Variants in IL1RAPL2 observed in about 807,000 individuals in gnomAD.
IL1RAPL2 encodes X-linked interleukin-1 receptor accessory protein-like 2.
Under a neutral mutation model 44.1 loss-of-function variants are expected in IL1RAPL2, and 3 were observed. The ratio of observed to expected loss-of-function variants is 0.07; its 90% confidence interval spans 0.03 to 0.18. The LOEUF (loss-of-function observed/expected upper bound fraction) is 0.18, where lower values mean the gene tolerates loss of function less well. Among genes scored for constraint, IL1RAPL2 ranks in the 10% least tolerant of loss-of-function variants. IL1RAPL2 has a pLI of 1.00. For missense variants in IL1RAPL2, 391 were observed against 496.4 expected (o/e 0.79, Z 2.02); for synonymous variants, 181 against 178.8 (o/e 1.01, Z -0.10).
intron 2 of IL1RAPL2, among the ~76,000 whole-genome samples, chrX:105,160,138 C>T (rs1476732314): frequency 9.1e-6 from 1 of 110,366 alleles, no homozygotes; most frequent in Non-Finnish European, 1.9e-5. Flanking sequence ...AGAAAGCCTT[C>T]ACCAACTTTT....
At chrX:105,562,536 CACACACACACACAT>C (rs1303108234) in intron 6 of IL1RAPL2, among the ~76,000 whole-genome samples, 14 of 107,246 alleles carry the variant, frequency 1.3e-4, no homozygotes, top group East Asian at 8.6e-4. Context: ...CACACACACA[CACACACACACACAT>C]ACACACACCA....
chrX:104,779,351 C>T (rs987155301), intron 2 of IL1RAPL2, among the ~76,000 whole-genome samples: 1 of 111,772 alleles, frequency 8.9e-6, no homozygotes, highest in African/African-American at 3.3e-5. Flanking sequence ...ATGTTTGCAT[C>T]GTCTTCCAGG....
chrX:105,649,753 C>T (rs778636201), intron 6 of IL1RAPL2, among the ~76,000 whole-genome samples: 1 of 111,553 alleles, frequency 9.0e-6, no homozygotes, highest in Non-Finnish European at 1.9e-5. Context: ...TACAGAGGAA[C>T]ATTCCTGTCA....
chrX:105,436,726 A>G (rs1218508237), intron 5 of IL1RAPL2, among the ~76,000 whole-genome samples: 2 of 110,947 alleles, frequency 1.8e-5, no homozygotes, highest in Non-Finnish European at 3.8e-5. Flanking sequence ...AGGAGTTGGT[A>G]GGGATAAAGA....
At chrX:104,689,817 G>T (rs989946796) in intron 2 of IL1RAPL2, among the ~76,000 whole-genome samples, 3 of 111,907 alleles carry the variant, frequency 2.7e-5, no homozygotes, top group African/African-American at 9.7e-5. Context: ...GGAGGCTAAA[G>T]CTCATTAGTA....
At chrX:104,606,896 T>C (rs974660640) in intron 1 of IL1RAPL2, among the ~76,000 whole-genome samples, 4 of 111,716 alleles carry the variant, frequency 3.6e-5, no homozygotes, top group Non-Finnish European at 7.5e-5. Flanking sequence ...TACTTTAAAT[T>C]TCATATGGAA....
chrX:105,590,565 T>C (rs2037161008), intron 6 of IL1RAPL2, among the ~76,000 whole-genome samples: 2 of 111,400 alleles, frequency 1.8e-5, no homozygotes, highest in Admixed American at 9.6e-5. Flanking sequence ...GTTTTTAAGA[T>C]GAAGCAATAT....
chrX:105,683,483 A>G (rs1331866051), intron 6 of IL1RAPL2, among the ~76,000 whole-genome samples: 1 of 111,162 alleles, frequency 9.0e-6, no homozygotes, highest in Non-Finnish European at 1.9e-5. Context: ...GAATTCATCA[A>G]TAAGTGTGCA....
intron 2 of IL1RAPL2, among the ~76,000 whole-genome samples, chrX:104,676,888 A>G (rs1352423782): frequency 6.3e-5 from 7 of 111,977 alleles, no homozygotes; most frequent in African/African-American, 2.3e-4. Flanking sequence ...CCAGTTGATC[A>G]CATCGGCTCT....
At chrX:104,995,453 G>A (rs183719227) in intron 2 of IL1RAPL2, among the ~76,000 whole-genome samples, 1 of 111,762 alleles carries the variant, frequency 8.9e-6, no homozygotes. Flanking sequence ...GCATAAAAGT[G>A]TGATTACTTG....
At chrX:104,924,672 C>T (rs2147693759) in intron 2 of IL1RAPL2, among the ~76,000 whole-genome samples, 1 of 110,801 alleles carries the variant, frequency 9.0e-6, no homozygotes, top group African/African-American at 3.3e-5. Context: ...ACAAAACATA[C>T]CAAATCTCTG....
chrX:104,904,099 C>T (rs1167219997), intron 2 of IL1RAPL2, among the ~76,000 whole-genome samples: 2 of 110,040 alleles, frequency 1.8e-5, no homozygotes, highest in East Asian at 2.9e-4. Flanking sequence ...CTTCTATTCA[C>T]AAATATCCCT....
chrX:105,288,721 C>T (rs372200908), intron 5 of IL1RAPL2, among the ~76,000 whole-genome samples: 3 of 109,930 alleles, frequency 2.7e-5, no homozygotes, highest in African/African-American at 9.9e-5. Flanking sequence ...AAATCTCCTT[C>T]ACCCCAGTCC....
chrX:105,570,640 A>C (rs1170885441), intron 6 of IL1RAPL2, among the ~76,000 whole-genome samples: 2 of 112,080 alleles, frequency 1.8e-5, no homozygotes, highest in African/African-American at 6.5e-5. Context: ...TCAGTGGCCT[A>C]TTCTCTTTAA....
intron 2 of IL1RAPL2, among the ~76,000 whole-genome samples, chrX:104,992,128 A>G (rs370875566): frequency 2.7e-5 from 3 of 111,415 alleles, no homozygotes; most frequent in African/African-American, 9.8e-5. Flanking sequence ...AGACAATGCT[A>G]GAAATTTAAA....
intron 5 of IL1RAPL2, among the ~76,000 whole-genome samples, chrX:105,279,328 C>A (rs1460154324): frequency 9.0e-6 from 1 of 111,618 alleles, no homozygotes; most frequent in African/African-American, 3.3e-5. Flanking sequence ...CAATGTTCTA[C>A]AGCAACTAAA....
intron 5 of IL1RAPL2, among the ~76,000 whole-genome samples, chrX:105,358,037 TAAAAAAAA>T (rs774626399): frequency 2.5e-5 from 1 of 40,815 alleles, no homozygotes; most frequent in Admixed American, 3.7e-4. Context: ...ATCCTATTTC[TAAAAAAAA>T]AAAAAAAAAA....
chrX:104,581,059 G>T (rs1247733180), intron 1 of IL1RAPL2, among the ~76,000 whole-genome samples: 1 of 112,290 alleles, frequency 8.9e-6, no homozygotes, highest in African/African-American at 3.2e-5. Context: ...CTATACGAAT[G>T]AATGTAAAAG....
At chrX:104,760,659 A>T (rs1456490739) in intron 2 of IL1RAPL2, among the ~76,000 whole-genome samples, 2 of 110,428 alleles carry the variant, frequency 1.8e-5, no homozygotes, top group African/African-American at 6.6e-5. Context: ...GCATAGTTTG[A>T]ACTCCTTCTA....
Sources: gnomAD v4.1 joint callset for allele counts (sites outside exome capture counted in the v4.1 genomes callset) on GRCh38, gnomAD v4.1.1 for gene constraint, MANE v1.5 for transcripts, NCBI Gene and HGNC (gene_info 2026-07-23, HGNC 2026-07-21) for gene names.